The following FGF14 variants were observed in gnomAD, a reference collection of about 807,000 sequenced individuals.
FGF14 encodes fibroblast growth factor 14.
In FGF14, 5 loss-of-function variants were observed where a neutral mutation model predicts 25.5. The ratio of observed to expected loss-of-function variants is 0.20; its 90% CI spans 0.10 to 0.41. FGF14 has a LOEUF of 0.41. FGF14 is among the 10% of genes least tolerant of loss of function. The pLI, the probability that FGF14 is intolerant of heterozygous loss-of-function variation, is 1.00. For synonymous variants in FGF14, 138 were observed against 118.3 expected (o/e 1.17, Z -1.08); for missense variants, 222 against 320.1 (o/e 0.69, Z 2.34).
At chr13:101,885,561 C>T (rs1014162653) in intron 1 of FGF14, among the ~76,000 whole-genome samples, 3 of 152,142 alleles carry the variant, frequency 2.0e-5, no homozygotes, top group Non-Finnish European at 2.9e-5. Flanking sequence ...ACACTCCTTT[C>T]GAATGGCATA....
At chr13:102,266,749 G>T (rs551944139) in intron 1 of FGF14, among the ~76,000 whole-genome samples, 1 of 152,144 alleles carries the variant, frequency 6.6e-6, no homozygotes, top group African/African-American at 2.4e-5. Flanking sequence ...GAAAATATCA[G>T]TATAGTCATT....
At chr13:102,024,305 A>G (rs1383060272) in intron 1 of FGF14, among the ~76,000 whole-genome samples, 9 of 151,964 alleles carry the variant, frequency 5.9e-5, no homozygotes, top group African/African-American at 1.9e-4. Flanking sequence ...CTGACTTTTA[A>G]TTTTGGTTAT....
At chr13:102,124,427 T>C (rs2045865591) in intron 1 of FGF14, among the ~76,000 whole-genome samples, 1 of 152,092 alleles carries the variant, frequency 6.6e-6, no homozygotes, top group African/African-American at 2.4e-5. Context: ...GGGGTTCTGT[T>C]ACAGCAAAAG....
intron 3 of FGF14, among the ~76,000 whole-genome samples, chr13:101,790,737 G>T (rs766419789): frequency 6.6e-6 from 1 of 152,056 alleles, no homozygotes; most frequent in African/African-American, 2.4e-5. Context: ...ATAGTTCTGG[G>T]CTTATGTTGG....
intron 1 of FGF14, among the ~76,000 whole-genome samples, chr13:102,253,780 T>C (rs1344648005): frequency 1.3e-5 from 2 of 152,210 alleles, no homozygotes; most frequent in Non-Finnish European, 2.9e-5. Context: ...TGGAATCAGA[T>C]ACAGAAGGCT....
chr13:102,324,909 T>G (rs2056373172), intron 1 of FGF14, among the ~76,000 whole-genome samples: 1 of 152,154 alleles, frequency 6.6e-6, no homozygotes. Flanking sequence ...TGCTAACCAT[T>G]AATTGATATT....
Position 101,909,100 on chromosome 13 carries a change from T to A in FGF14, c.193+7353A>T, listed in dbSNP as rs902845862. Among the ~76,000 whole-genome samples, 3 of 152,162 alleles carry A rather than the reference T, an allele frequency of 2.0e-5. No individual in the cohort carries two copies. In the East Asian group the frequency reaches 5.8e-4, roughly 29 times the overall value. On this transcript the variant is annotated intron_variant, in intron 1 of 4. Coordinates refer to ENST00000376143, the MANE Select transcript of FGF14 (RefSeq NM_004115.4). The stretch of plus-strand genomic sequence containing the variant: ...TACACAAAAATTAATTCAAGATGGA[T>A]TAAAGACTTAAACTTTAGACCTAAA...
chr13:102,348,956 C>T (rs1307645108), intron 1 of FGF14, among the ~76,000 whole-genome samples: 1 of 152,198 alleles, frequency 6.6e-6, no homozygotes, highest in African/African-American at 2.4e-5. Context: ...CCCAGTGCTG[C>T]CCTCTGGTTT....
intron 1 of FGF14, among the ~76,000 whole-genome samples, chr13:102,165,126 C>T (rs956985227): frequency 6.6e-6 from 1 of 152,098 alleles, no homozygotes; most frequent in Non-Finnish European, 1.5e-5. Flanking sequence ...TACCATCTCA[C>T]ACCAGTTAGA....
chr13:102,340,240 T>C (rs1024584851), intron 1 of FGF14, among the ~76,000 whole-genome samples: 26 of 152,188 alleles, frequency 1.7e-4, no homozygotes, highest in African/African-American at 6.3e-4. Flanking sequence ...CCCACATCTT[T>C]TGCCATTTTG....
intron 1 of FGF14, among the ~76,000 whole-genome samples, chr13:102,041,671 A>G (rs1317950788): frequency 6.6e-6 from 1 of 152,238 alleles, no homozygotes; most frequent in Non-Finnish European, 1.5e-5. Context: ...GTGCACAGCA[A>G]TGACTTCTTC....
At chr13:102,190,161 C>T (rs973022006) in intron 1 of FGF14, among the ~76,000 whole-genome samples, 1 of 152,158 alleles carries the variant, frequency 6.6e-6, no homozygotes, top group Non-Finnish European at 1.5e-5. Flanking sequence ...AAGAAACTTC[C>T]TCTAGTTGTT....
chr13:102,095,190 T>G (rs2044335480), intron 1 of FGF14, among the ~76,000 whole-genome samples: 1 of 152,142 alleles, frequency 6.6e-6, no homozygotes, highest in Non-Finnish European at 1.5e-5. Flanking sequence ...AGGAAATTAT[T>G]TAAAATATTG....
rs551655387 is a variant in FGF14, at chr13:101,821,729, A to C, written c.408+46996T>G. Reference sequence around the variant, plus strand: ...TATTCTCAGCCATGTTAATTTTAGCAATTCTGGTGGGAGTCTAATGGTATC... The same window carrying C: ...TATTCTCAGCCATGTTAATTTTAGCCATTCTGGTGGGAGTCTAATGGTATC... On this transcript the variant is annotated intron_variant, in intron 3 of 4. Transcript: ENST00000376143. 3.3e-5 allele frequency among the ~76,000 whole-genome samples: 5 copies of C among 152,296 alleles called. No homozygotes were observed. The East Asian group carries it at 9.6e-4, about 29-fold the overall frequency.
chr13:101,850,725 G>C (rs576068397), intron 3 of FGF14, among the ~76,000 whole-genome samples: 2 of 146,770 alleles, frequency 1.4e-5, no homozygotes, highest in South Asian at 2.1e-4. Context: ...TATATAGAGA[G>C]AGAAGATATA....
intron 1 of FGF14, among the ~76,000 whole-genome samples, chr13:102,324,541 G>A (rs2056359273): frequency 6.6e-6 from 1 of 152,162 alleles, no homozygotes; most frequent in Non-Finnish European, 1.5e-5. Context: ...TAATGCTAGT[G>A]GTCCTTGTCA....
At chr13:101,740,491 A>G (rs375186953) in intron 3 of FGF14, among the ~76,000 whole-genome samples, 6 of 152,304 alleles carry the variant, frequency 3.9e-5, no homozygotes, top group African/African-American at 1.4e-4. Context: ...AACATGGCTG[A>G]TTGGAGAAAT....
chr13:102,361,653 A>G lies in FGF14; in HGVS notation c.208+39818T>C, dbSNP rs1290703270. On this transcript the variant is annotated intron_variant, in intron 1 of 4. Transcript: ENST00000376131. ...GCAAATGCTGTTGTTCTTCAGTTCC[A>G]TGGTTTCAGCTATGAATTCATGTGG... Among the ~76,000 whole-genome samples, 3 of 152,204 alleles carry G rather than the reference A, an allele frequency of 2.0e-5. 1 individual carries two copies. The highest frequency in any genetic ancestry group is 2.0e-4 in the Admixed American group (3 of 15,282).
At chr13:102,083,012 A>G (rs1183458154) in intron 1 of FGF14, among the ~76,000 whole-genome samples, 1 of 152,200 alleles carries the variant, frequency 6.6e-6, no homozygotes, top group African/African-American at 2.4e-5. Context: ...TGAATGAACC[A>G]ATTTTTCTAC....
Sources: allele counts gnomAD v4.1 joint callset (sites outside exome capture counted in the v4.1 genomes callset), GRCh38; gene constraint gnomAD v4.1.1; transcripts MANE v1.5; gene names NCBI Gene and HGNC (gene_info 2026-07-23, HGNC 2026-07-21).